The following RIT1 variants were observed in gnomAD, a reference collection of about 807,000 sequenced individuals.
The protein encoded by RIT1 is GTP-binding protein Rit1.
A neutral mutation model predicts 25.6 loss-of-function variants in RIT1; 6 were observed. That is an observed-to-expected ratio of 0.23 (90% CI 0.13 to 0.46). The LOEUF is 0.46. Among genes scored for constraint, RIT1 ranks in the 20% least tolerant of loss-of-function variants. The pLI, the probability that RIT1 is intolerant of heterozygous loss-of-function variation, is 0.99. For synonymous variants in RIT1, 81 were observed against 94.1 expected (o/e 0.86, Z 0.80); for missense variants, 219 against 284.4 (o/e 0.77, Z 1.65).
chr1:155,904,381 C>T lies in RIT1; in HGVS notation c.359G>A (p.Arg120Gln), dbSNP rs753425443. The change falls in exon 5 of 6, where the codon CGA becomes CAA. Residue 120 changes from arginine (R) to glutamine (Q), a missense_variant. By Grantham distance (43) the Arg-to-Gln change is conservative. Around this residue, in one of 3 missense-constraint regions of RIT1, gnomAD observed 131 missense variants for 173.6 expected, o/e 0.75. Coordinates refer to ENST00000368323, the MANE Select transcript of RIT1 (RefSeq NM_006912.6). Reference protein sequence around the residue: ...EVREFKQLIYRVRRTDDTPVV... With the variant: ...EVREFKQLIYQVRRTDDTPVV... The stretch of plus-strand genomic sequence containing the variant: ...AGGTGTATCGTCAGTACGTCGGACT[C>T]GATAAATAAGCTGTTTAAACTCACG... 7.4e-6 allele frequency: 12 copies of T among 1,613,914 alleles called. No individual in the cohort carries two copies. Among genetic ancestry groups the T allele is most frequent in the Admixed American group, 1.7e-5 (1 of 59,990 alleles).
intron 3 of RIT1, among the ~76,000 whole-genome samples, chr1:155,908,340 A>G (rs1208846533): frequency 3.3e-5 from 5 of 151,154 alleles, no homozygotes; most frequent in Admixed American, 1.3e-4. Flanking sequence ...CTGTAGTCCC[A>G]GCTACTCAGG....
chr1:155,898,491 T>A lies in RIT1; in HGVS notation c.*1897A>T, dbSNP rs1341873934. 1.0e-4 allele frequency: 6 copies of A among 58,936 alleles called. No homozygotes were observed. In the Admixed American group the frequency reaches 1.2e-3, roughly 12 times the overall value. The allele number at this position is 58,936 out of a possible 1,614,324, so 3.7% of individuals were successfully genotyped here. A position where few individuals can be genotyped will look rare whatever the true frequency, so the allele number is the denominator to read the frequency against. On this transcript the variant is annotated 3_prime_UTR_variant, in exon 6 of 6. Coordinates refer to ENST00000368323, the MANE Select transcript of RIT1 (RefSeq NM_006912.6). ...CAACATAGTGAAACCTCATCTCTAT[T>A]TAAAAAAAAAAAAAAAAAAAAAAAA...
chr1:155,906,779 A>AAG (rs1553229175), intron 3 of RIT1, among the ~76,000 whole-genome samples: 3,486 of 123,160 alleles, frequency 0.028, 100 homozygotes, highest in Non-Finnish European at 0.038. Context: ...AAAAAAAAAA[A>AAG]AAAAAGAAAA....
At chr1:155,906,271 TAAC>T (rs1376067472) in intron 3 of RIT1, among the ~76,000 whole-genome samples, 4 of 152,210 alleles carry the variant, frequency 2.6e-5, no homozygotes, top group Non-Finnish European at 5.9e-5. Context: ...TTCATTCACT[TAAC>T]AACTGCTGCT....
intron 3 of RIT1, among the ~76,000 whole-genome samples, chr1:155,908,102 A>G (rs1311179187): frequency 7.9e-6 from 1 of 127,358 alleles, no homozygotes; most frequent in Non-Finnish European, 1.8e-5. Context: ...AAAAAAAAAC[A>G]AAAAAAAAAA....
intron 3 of RIT1, among the ~76,000 whole-genome samples, chr1:155,908,834 A>G (rs1673512560): frequency 6.6e-6 from 1 of 150,948 alleles, no homozygotes; most frequent in African/African-American, 2.4e-5. Context: ...AAGTGCTGGG[A>G]TTACAGGCAT....
Position 155,901,317 on chromosome 1 carries a change from T to C in RIT1, c.430-699A>G, listed in dbSNP as rs144650250. 2.2e-3 allele frequency among the ~76,000 whole-genome samples: 329 copies of C among 152,206 alleles called. 1 individual carries two copies. Among genetic ancestry groups the C allele is most frequent in the African/African-American group, 7.4e-3 (309 of 41,524 alleles). Reference sequence around the variant, plus strand: ...GAACTTGAGACCAAGCTGGGCAATATGGTGAGACCCTACTTTTACAAAATT... The same window carrying C: ...GAACTTGAGACCAAGCTGGGCAATACGGTGAGACCCTACTTTTACAAAATT... On this transcript the variant is annotated intron_variant, in intron 5 of 5. Transcript: ENST00000368323.
chr1:155,910,512 A>G lies in RIT1; in HGVS notation c.107-6T>C. 6.2e-7 allele frequency: 1 copy of G among 1,614,146 alleles called. No homozygotes were observed. Among genetic ancestry groups the G allele is most frequent in the Non-Finnish European group, 8.5e-7 (1 of 1,179,974 alleles). On this transcript the variant is annotated splice_polypyrimidine_tract_variant and splice_region_variant and intron_variant, in intron 2 of 5. Coordinates refer to ENST00000368323, the MANE Select transcript of RIT1 (RefSeq NM_006912.6). ...GATGAACTGCATGGTCATGGCTTCA[A>G]AAGAAGAAATAAAAGTCAAATCCTC...
At chr1:155,910,149 G>A in intron 3 of RIT1, 1 of 299,126 alleles carries the variant, frequency 3.3e-6, no homozygotes, top group Non-Finnish European at 6.3e-6. Context: ...CATACCCTTA[G>A]AGAAGTGACA....
intron 3 of RIT1, among the ~76,000 whole-genome samples, chr1:155,908,047 A>G (rs1673488140): frequency 6.6e-6 from 1 of 150,658 alleles, no homozygotes; most frequent in Non-Finnish European, 1.5e-5. Flanking sequence ...AGCCGAGATC[A>G]TGCCACTGCA....
At position 155,898,283 on chromosome 1, in the gene RIT1, T is replaced by G. The variant is rs1241661998; in HGVS notation, c.*2105A>C. 1 of 152,032 alleles carries G rather than the reference T, an allele frequency of 6.6e-6. No individual in the cohort carries two copies. The highest frequency in any genetic ancestry group is 1.5e-5 in the Non-Finnish European group (1 of 67,986). 9.4% of individuals were successfully genotyped at this position (152,032 alleles called of 1,614,324 possible). A position where few individuals can be genotyped will look rare whatever the true frequency, so the allele number is the denominator to read the frequency against. On this transcript the variant is annotated 3_prime_UTR_variant, in exon 6 of 6. Transcript: ENST00000368323. The stretch of plus-strand genomic sequence containing the variant: ...CAGTGATAGTCTTAAAAACACCGAT[T>G]TGTTATTTTCCTTATATATAATCCA...
intron 3 of RIT1, among the ~76,000 whole-genome samples, chr1:155,909,101 G>C (rs1157963658): frequency 6.6e-6 from 1 of 151,850 alleles, no homozygotes; most frequent in East Asian, 1.9e-4. Flanking sequence ...ATAAGGCCCG[G>C]CGCAGTGGTC....
intron 3 of RIT1, among the ~76,000 whole-genome samples, chr1:155,905,321 C>T (rs1054333348): frequency 2.6e-5 from 4 of 152,052 alleles, no homozygotes; most frequent in Admixed American, 2.0e-4. Context: ...CTTGGCCTCC[C>T]AAGTAGCTGG....
In RIT1 at chr1:155,910,814, G is replaced by A. The variant is rs1004579115; in HGVS notation, c.-43-10C>T. On this transcript the variant is annotated splice_polypyrimidine_tract_variant and intron_variant, in intron 1 of 5. Coordinates refer to ENST00000368323, the MANE Select transcript of RIT1 (RefSeq NM_006912.6). ...CCCGAGGAAAAGCCACCTAGAAAAG[G>A]AGGAGGAAATGCTTAATCCAGGATG... The A allele has an allele frequency of 6.2e-7, 1 of 1,613,814 alleles. No homozygotes were observed. Among genetic ancestry groups the A allele is most frequent in the South Asian group, 1.1e-5 (1 of 91,078 alleles).
intron 5 of RIT1, among the ~76,000 whole-genome samples, chr1:155,902,134 T>C (rs1299987416): frequency 1.3e-5 from 2 of 152,084 alleles, no homozygotes; most frequent in Admixed American, 6.6e-5. Context: ...AAAACAAACA[T>C]GTTACAGTGT....
rs373003493 is a variant in RIT1 at position 155,904,440 on chromosome 1, G to A, written c.300C>T (p.Tyr100=). ...GGAAACTTCGACGATCCGTGATAGA[G>A]TAACAGATGATAAACCCTTCTCCTG... is the stretch of plus-strand genomic sequence containing the variant. ...MRAGEGFIIC[Y]SITDRRSFHE... is the part of the protein sequence containing the mutation. Residue 100 remains tyrosine, a synonymous_variant, in exon 5 of 6, where the codon TAC becomes TAT. Coordinates refer to ENST00000368323, the MANE Select transcript of RIT1 (RefSeq NM_006912.6). The A allele has an allele frequency of 4.3e-6, 7 of 1,613,980 alleles. No individual in the cohort carries two copies. The highest frequency in any genetic ancestry group is 1.1e-5 in the South Asian group (1 of 91,082).
chr1:155,901,515 G>A (rs1463258681), intron 5 of RIT1, among the ~76,000 whole-genome samples: 1 of 152,048 alleles, frequency 6.6e-6, no homozygotes, highest in Non-Finnish European at 1.5e-5. Flanking sequence ...TTGGGCACCT[G>A]TAATCCCAGT....
Position 155,900,458 on chromosome 1 carries a change from G to A in RIT1, c.590C>T (p.Ser197Phe). 6.2e-7 allele frequency: 1 copy of A among 1,614,158 alleles called. No homozygotes were observed. The highest frequency in any genetic ancestry group is 8.5e-7 in the Non-Finnish European group (1 of 1,180,018). The stretch of plus-strand genomic sequence containing the variant: ...CTTCCATACACTGTTTTTGGGCTTA[G>A]ATTTTTTCTCCATGGCCAGTACTGC... ...KEAVLAMEKKSKPKNSVWKRL... is the reference protein window; with the variant it reads ...KEAVLAMEKKFKPKNSVWKRL... Residue 197 changes from serine (S) to phenylalanine (F), a missense_variant, in exon 6 of 6, where the codon TCT becomes TTT. Transcript: ENST00000368323.
At chr1:155,911,124 G>A in intron 1 of RIT1, 119 bp downstream of exon 1, 2 of 576,108 alleles carry the variant, frequency 3.5e-6, no homozygotes, top group Non-Finnish European at 6.1e-6. Flanking sequence ...CGGCCCCTTA[G>A]GCCGCAGGGG....
Sources: allele counts gnomAD v4.1 joint callset (sites outside exome capture counted in the v4.1 genomes callset), GRCh38; gene constraint gnomAD v4.1.1; regional missense constraint gnomAD v4.1.1; transcripts MANE v1.5; gene names NCBI Gene and HGNC (gene_info 2026-07-23, HGNC 2026-07-21).